The following RSF1 variants were observed in gnomAD, a reference collection of about 807,000 sequenced individuals.
The protein encoded by RSF1 is remodeling and spacing factor 1.
Under a neutral mutation model 145.2 loss-of-function variants are expected in RSF1, and 13 were observed. The observed-to-expected ratio is 0.09, with a 90% confidence interval of 0.06 to 0.14. The LOEUF (loss-of-function observed/expected upper bound fraction) is 0.14. Among genes scored for constraint, RSF1 ranks in the 10% least tolerant of loss-of-function variants. The pLI is 1.00. For missense variants in RSF1, 1,517 were observed against 1,718.2 expected, an observed-to-expected ratio of 0.88 and a Z score of 2.07; for synonymous variants, 577 against 592.6, an observed-to-expected ratio of 0.97 and a Z score of 0.38.
intron 7 of RSF1, among the ~76,000 whole-genome samples, chr11:77,697,399 G>A (rs1399396286): frequency 6.8e-6 from 1 of 147,850 alleles, no homozygotes; most frequent in Admixed American, 6.8e-5. Context: ...GGTATAACAA[G>A]GCTACTTCCT....
At chr11:77,735,895 A>G (rs1212418661) in intron 4 of RSF1, among the ~76,000 whole-genome samples, 3 of 152,158 alleles carry the variant, frequency 2.0e-5, no homozygotes, top group South Asian at 2.1e-4. Flanking sequence ...ACACGCCACA[A>G]TGCCAGCTAA....
At chr11:77,711,188 G>A (rs1960674347) in intron 5 of RSF1, among the ~76,000 whole-genome samples, 1 of 148,558 alleles carries the variant, frequency 6.7e-6, no homozygotes, top group Non-Finnish European at 1.5e-5. Flanking sequence ...CATTCTGATA[G>A]TTCATGTTTT....
intron 14 of RSF1, among the ~76,000 whole-genome samples, chr11:77,672,594 T>C (rs550361757): frequency 1.1e-3 from 166 of 150,646 alleles, no homozygotes; most frequent in African/African-American, 3.6e-3. Context: ...AAAAAAAAAA[T>C]GACTCAATCT....
the RSF1 span, among the ~76,000 whole-genome samples, chr11:77,840,390 A>G: frequency 6.6e-6 from 1 of 152,070 alleles, no homozygotes; most frequent in African/African-American, 2.4e-5. Flanking sequence ...TTAGCCGGGC[A>G]TGGTAGCACA....
rs1959569465 is a variant in RSF1, at chr11:77,672,067, T to G, written c.3726A>C (p.Arg1242=). The G allele has an allele frequency of 6.2e-7, 1 of 1,613,002 alleles. No individual in the cohort carries two copies. Among genetic ancestry groups the G allele is most frequent in the Admixed American group, 1.7e-5 (1 of 59,780 alleles). ...RGKEIRRVHK[R]RLSSSESEES... ...CTTCACTCTCTGAGCTGGAAAGTCT[T>G]CGCTTGTGTACTCGCCTTATTTCTT... The change falls in exon 15 of 16, where the codon CGA becomes CGC. Residue 1242 remains arginine, a synonymous_variant. Coordinates refer to ENST00000308488, the MANE Select transcript of RSF1 (RefSeq NM_016578.4).
At chr11:77,777,765 G>C (rs1453658184) in intron 1 of RSF1, among the ~76,000 whole-genome samples, 2 of 151,904 alleles carry the variant, frequency 1.3e-5, no homozygotes, top group Non-Finnish European at 2.9e-5. Context: ...CAGGAGGACT[G>C]CATCAACCCA....
intron 2 of RSF1, among the ~76,000 whole-genome samples, chr11:77,753,942 GT>G (rs1948090183): frequency 6.6e-6 from 1 of 152,168 alleles, no homozygotes; most frequent in South Asian, 2.1e-4. Flanking sequence ...CCAATAAGCA[GT>G]AAGCACCCAT....
intron 1 of RSF1, among the ~76,000 whole-genome samples, chr11:77,781,479 CTT>C (rs901161637): frequency 3.9e-5 from 6 of 152,264 alleles, no homozygotes; most frequent in African/African-American, 9.6e-5. Context: ...TTTTATTTCT[CTT>C]GAGTAGACAG....
At chr11:77,847,880 C>T in the RSF1 span, among the ~76,000 whole-genome samples, 1 of 152,048 alleles carries the variant, frequency 6.6e-6, no homozygotes, top group African/African-American at 2.4e-5. Flanking sequence ...CTAAAAACCC[C>T]GGGAGCTGAA....
intron 9 of RSF1, among the ~76,000 whole-genome samples, chr11:77,687,268 A>T (rs1367868791): frequency 6.6e-6 from 1 of 152,134 alleles, no homozygotes; most frequent in Non-Finnish European, 1.5e-5. Context: ...CACCAACAAC[A>T]ATCCATTAAC....
chr11:77,769,259 T>C (rs897319735), intron 1 of RSF1, among the ~76,000 whole-genome samples: 1 of 152,148 alleles, frequency 6.6e-6, no homozygotes, highest in Non-Finnish European at 1.5e-5. Flanking sequence ...TGAGCCACCG[T>C]GCCCAGCCAT....
At chr11:77,774,764 CT>C (rs1306479298) in intron 1 of RSF1, among the ~76,000 whole-genome samples, 2 of 136,586 alleles carry the variant, frequency 1.5e-5, no homozygotes, top group Non-Finnish European at 3.1e-5. Flanking sequence ...CTGCTTCTTT[CT>C]TTTTTTTCTT....
At chr11:77,775,631 T>C (rs1039329498) in intron 1 of RSF1, among the ~76,000 whole-genome samples, 7 of 152,174 alleles carry the variant, frequency 4.6e-5, no homozygotes, top group African/African-American at 1.4e-4. Context: ...GTATATTCCA[T>C]AGGTATTTAA....
At chr11:77,685,903 T>A (rs1188425530) in intron 9 of RSF1, among the ~76,000 whole-genome samples, 1 of 152,186 alleles carries the variant, frequency 6.6e-6, no homozygotes. Context: ...ATAAAAATTA[T>A]GTAAACAAAA....
chr11:77,685,716 A>G (rs1959986092), intron 9 of RSF1, among the ~76,000 whole-genome samples: 1 of 152,230 alleles, frequency 6.6e-6, no homozygotes, highest in African/African-American at 2.4e-5. Flanking sequence ...AATAAAACCT[A>G]TAACTGAAAT....
chr11:77,862,945 G>A, the RSF1 span, among the ~76,000 whole-genome samples: 5 of 152,214 alleles, frequency 3.3e-5, no homozygotes, highest in East Asian at 1.9e-4. Context: ...TGGGGGGAAC[G>A]TTTCCCATTA....
chr11:77,817,103 C>G (rs1014275661), intron 1 of RSF1, among the ~76,000 whole-genome samples: 1 of 152,168 alleles, frequency 6.6e-6, no homozygotes, highest in African/African-American at 2.4e-5. Flanking sequence ...CAAAGGTTCT[C>G]AAACATTCTA....
At chr11:77,859,689 A>G in the RSF1 span, among the ~76,000 whole-genome samples, 1 of 152,186 alleles carries the variant, frequency 6.6e-6, no homozygotes, top group African/African-American at 2.4e-5. Flanking sequence ...TCAGTATACA[A>G]GTTGAGGTTG....
chr11:77,839,937 T>C, the RSF1 span, among the ~76,000 whole-genome samples: 1 of 152,084 alleles, frequency 6.6e-6, no homozygotes, highest in Non-Finnish European at 1.5e-5. Context: ...ACCTATGTAA[T>C]GAACGTGCAT....
Sources: gnomAD v4.1 joint callset for allele counts (sites outside exome capture counted in the v4.1 genomes callset) on GRCh38, gnomAD v4.1.1 for gene constraint, MANE v1.5 for transcripts, NCBI Gene and HGNC (gene_info 2026-07-23, HGNC 2026-07-21) for gene names.